RPGRIP1L: variants seen among roughly 807,000 people sequenced by gnomAD.
RPGRIP1L encodes the protein RPGRIP1 like.
A neutral mutation model predicts 160.4 loss-of-function variants in RPGRIP1L; 131 were observed. That is an observed-to-expected ratio of 0.82 (90% CI 0.71 to 0.94). The LOEUF is 0.94. Ranked by LOEUF, RPGRIP1L falls within the 40% of genes least tolerant of loss-of-function variation. The probability of loss-of-function intolerance (pLI) is 0.00; values close to 1 mark genes in which losing one functional copy is unlikely to be tolerated. For missense variants in RPGRIP1L, 1,522 were observed against 1,535.8 expected, an observed-to-expected ratio of 0.99 and a Z score of 0.15; for synonymous variants, 510 against 515.8, an observed-to-expected ratio of 0.99 and a Z score of 0.15.
chr16:53,692,380 A>G lies in RPGRIP1L; in HGVS notation c.231-16T>C. On this transcript the variant is annotated splice_polypyrimidine_tract_variant and intron_variant, in intron 3 of 26. Transcript: ENST00000647211. Reference sequence around the variant, plus strand: ...GGTGGCCATTCTGGGGAAATAATAAAAAGATGAAAAGGAATGTGAGAAGTC... The same window carrying G: ...GGTGGCCATTCTGGGGAAATAATAAGAAGATGAAAAGGAATGTGAGAAGTC... 2 of 1,608,952 alleles carry G rather than the reference A, an allele frequency of 1.2e-6. No individual in the cohort carries two copies. The highest frequency in any genetic ancestry group is 1.7e-6 in the Non-Finnish European group (2 of 1,175,432).
chr16:53,616,468 AT>A (rs1320701042), intron 24 of RPGRIP1L, among the ~76,000 whole-genome samples: 1 of 152,182 alleles, frequency 6.6e-6, no homozygotes, highest in Non-Finnish European at 1.5e-5. Flanking sequence ...CTAGGAGCTC[AT>A]TTTTTCAGAT....
intron 26 of RPGRIP1L, 68 bp from the exon 27 acceptor site, chr16:53,602,256 C>T (rs1963416427): frequency 9.9e-7 from 1 of 1,009,338 alleles, no homozygotes; most frequent in Non-Finnish European, 1.6e-6. Context: ...GGCTCGCAGA[C>T]AGAAACAGTA....
chr16:53,651,987 T>C (rs909240219), intron 15 of RPGRIP1L, among the ~76,000 whole-genome samples: 3 of 152,122 alleles, frequency 2.0e-5, no homozygotes, highest in East Asian at 1.9e-4. Flanking sequence ...ATAAATTACA[T>C]AATTTAGCCA....
Position 53,664,943 on chromosome 16 carries a change from A to C in RPGRIP1L, c.1170T>G (p.Ala390=), listed in dbSNP as rs764886930. 4 of 1,613,540 alleles carry C rather than the reference A, an allele frequency of 2.5e-6. No homozygotes were observed. The highest frequency in any genetic ancestry group is 3.4e-6 in the Non-Finnish European group (4 of 1,179,938). ...CAGACTTCAAGGCAGTCTCGAGCTGAGCAATCTGCACTTTCAGCTGTTGCT... is the reference window on the plus strand; with the variant it reads ...CAGACTTCAAGGCAGTCTCGAGCTGCGCAATCTGCACTTTCAGCTGTTGCT... ...LKEQQLKVQI[A]QLETALKSDL... is the part of the protein sequence containing the mutation. The change falls in exon 10 of 27, where the codon GCT becomes GCG. Residue 390 remains alanine, a synonymous_variant. Coordinates refer to ENST00000647211, the MANE Select transcript of RPGRIP1L (RefSeq NM_015272.5).
Position 53,686,664 on chromosome 16 carries a change from AAG to A in RPGRIP1L, c.633-90_633-89del. On this transcript the variant is annotated intron_variant, in intron 5 of 26. Coordinates refer to ENST00000647211, the MANE Select transcript of RPGRIP1L (RefSeq NM_015272.5). Reference sequence around the variant, plus strand: ...AGTGCAAAGAAAGTTCTTCATGAAAAAGAGCAAGCAGAAGTTAAAAAATTTAG... The same window carrying A: ...AGTGCAAAGAAAGTTCTTCATGAAAAAGCAAGCAGAAGTTAAAAAATTTAG... The A allele has an allele frequency of 2.2e-6, 3 of 1,382,648 alleles. No homozygotes were observed. In the East Asian group the frequency reaches 6.9e-5, roughly 32 times the overall value. 85.6% of individuals were successfully genotyped at this position (1,382,648 alleles called of 1,614,324 possible). A position where few individuals can be genotyped will look rare whatever the true frequency, so the allele number is the denominator to read the frequency against.
intron 15 of RPGRIP1L, among the ~76,000 whole-genome samples, chr16:53,651,079 A>G (rs551619387): frequency 6.6e-6 from 1 of 152,288 alleles, no homozygotes; most frequent in Non-Finnish European, 1.5e-5. Context: ...GATGTCTAAT[A>G]GGCGGGTCAG....
At chr16:53,606,679 T>C (rs1963708216) in intron 25 of RPGRIP1L, among the ~76,000 whole-genome samples, 1 of 152,146 alleles carries the variant, frequency 6.6e-6, no homozygotes, top group Non-Finnish European at 1.5e-5. Flanking sequence ...AGTGGCGCAA[T>C]CTTGGCTCAC....
chr16:53,689,788 G>A (rs1231214836), intron 4 of RPGRIP1L, among the ~76,000 whole-genome samples: 2 of 152,168 alleles, frequency 1.3e-5, no homozygotes, highest in East Asian at 3.9e-4. Context: ...CATAAAGACG[G>A]ATTAAGAAAG....
intron 6 of RPGRIP1L, among the ~76,000 whole-genome samples, chr16:53,682,448 C>T (rs569188561): frequency 1.3e-5 from 2 of 152,260 alleles, no homozygotes; most frequent in South Asian, 4.1e-4. Flanking sequence ...CACTCTATTT[C>T]TTCTGTTGCT....
chr16:53,652,696 T>C lies in RPGRIP1L; in HGVS notation c.1991A>G (p.His664Arg), dbSNP rs769962521. 4 of 1,614,122 alleles carry C rather than the reference T, an allele frequency of 2.5e-6. No homozygotes were observed. Among genetic ancestry groups the C allele is most frequent in the South Asian group, 2.2e-5 (2 of 91,086 alleles). Residue 664 changes from histidine to arginine, a missense_variant, in exon 15 of 27, where the codon CAT (histidine) becomes CGT (arginine). Transcript: ENST00000647211. ...ATATTGCAAAAATAAGTCATTAACA[T>C]GAACAAGATATTGAGAAGTGAAGTT... ...EYNFTSQYLVHVNDLFLQYIQ... is the reference protein window; with the variant it reads ...EYNFTSQYLVRVNDLFLQYIQ...
chr16:53,611,063 G>GA lies in RPGRIP1L; in HGVS notation c.3617-13dup, dbSNP rs750499169. The GA allele has an allele frequency of 8.3e-4, 1,303 of 1,567,068 alleles. No individual in the cohort carries two copies. The highest frequency in any genetic ancestry group is 1.4e-3 in the Admixed American group (80 of 58,804). On this transcript the variant is annotated splice_polypyrimidine_tract_variant and intron_variant, in intron 24 of 26. Transcript: ENST00000647211. ...ATCCACGTAGATCACTATACCAAAA[G>GA]AAAAAAAAATGCCAAAAAGGAAGTC...
At chr16:53,640,993 T>C (rs376352734) in intron 19 of RPGRIP1L, 40 bp downstream of exon 19, 1 of 1,373,970 alleles carries the variant, frequency 7.3e-7, no homozygotes, top group Non-Finnish European at 1.0e-6. Context: ...TTCAAATATT[T>C]GTTATGAAAA....
chr16:53,655,255 T>C (rs1967151690), intron 14 of RPGRIP1L, among the ~76,000 whole-genome samples: 1 of 152,198 alleles, frequency 6.6e-6, no homozygotes, highest in African/African-American at 2.4e-5. Flanking sequence ...ATTTTTTTGT[T>C]TTGGAAAATA....
At chr16:53,701,183 T>C (rs1422673608) in intron 1 of RPGRIP1L, among the ~76,000 whole-genome samples, 1 of 152,126 alleles carries the variant, frequency 6.6e-6, no homozygotes. Flanking sequence ...ATTCTAAGGG[T>C]AAATGGGATG....
At chr16:53,675,496 T>C (rs997251207) in intron 6 of RPGRIP1L, among the ~76,000 whole-genome samples, 1 of 152,150 alleles carries the variant, frequency 6.6e-6, no homozygotes, top group Non-Finnish European at 1.5e-5. Context: ...TTCACACTTA[T>C]TTTAAGGAGG....
intron 3 of RPGRIP1L, chr16:53,693,751 T>C (rs1042935706): frequency 2.0e-5 from 3 of 152,138 alleles, no homozygotes; most frequent in African/African-American, 7.2e-5. Flanking sequence ...GGCCACACAC[T>C]CTACCTGGCC....
At chr16:53,632,991 G>C (rs1965614821) in intron 22 of RPGRIP1L, among the ~76,000 whole-genome samples, 1 of 152,120 alleles carries the variant, frequency 6.6e-6, no homozygotes, top group South Asian at 2.1e-4. Context: ...TTCTTTGAGG[G>C]AAAGAACTGC....
At chr16:53,688,469 T>C (rs963140115) in intron 4 of RPGRIP1L, among the ~76,000 whole-genome samples, 2 of 152,072 alleles carry the variant, frequency 1.3e-5, no homozygotes, top group African/African-American at 4.8e-5. Flanking sequence ...ACTTTGAGAA[T>C]GGATCATCGC....
rs2151350826 is a variant in RPGRIP1L, at chr16:53,692,079, T to C, written c.516A>G (p.Glu172=). 1 of 1,614,154 alleles carries C rather than the reference T, an allele frequency of 6.2e-7. No homozygotes were observed. Among genetic ancestry groups the C allele is most frequent in the Admixed American group, 1.7e-5 (1 of 60,024 alleles). ...GCTTTGTTTTACCTTTCCTGGGGCA[T>C]TCCTGTAAACCAGCATTTTCATTTG... ...RKANENAGLQ[E]CPRKGIKFQD... Residue 172 remains glutamate (E), a synonymous_variant, in exon 4 of 27, where the codon GAA becomes GAG. Transcript: ENST00000647211.
Sources: allele counts gnomAD v4.1 joint callset (sites outside exome capture counted in the v4.1 genomes callset), GRCh38; gene constraint gnomAD v4.1.1; transcripts MANE v1.5; gene names NCBI Gene and HGNC (gene_info 2026-07-23, HGNC 2026-07-21).